The following CREBBP variants were observed in gnomAD, a reference collection of about 807,000 sequenced individuals.
CREBBP encodes the protein CREB binding lysine acetyltransferase.
In CREBBP, 19 loss-of-function variants were observed where a neutral mutation model predicts 265.0. The observed-to-expected ratio is 0.07, with a 90% CI of 0.05 to 0.11. The LOEUF (loss-of-function observed/expected upper bound fraction) is 0.11. Ranked by LOEUF, CREBBP falls within the 10% of genes least tolerant of loss-of-function variation. The pLI, the probability that CREBBP is intolerant of heterozygous loss-of-function variation, is 1.00. For synonymous variants in CREBBP, 1,457 were observed against 1,223.7 expected (o/e 1.19, Z -3.98); for missense variants, 2,525 against 3,219.0 (o/e 0.78, Z 5.22).
chr16:3,751,659 G>T (rs1383479645), intron 20 of CREBBP, 67 bp downstream of exon 20: 1 of 1,480,582 alleles, frequency 6.8e-7, no homozygotes, highest in Non-Finnish European at 9.4e-7. Context: ...ATAGTCATTG[G>T]TAAGAGGAAA....
chr16:3,778,751 T>G lies in CREBBP; in HGVS notation c.1890A>C (p.Val630=). The G allele has an allele frequency of 6.2e-7, 1 of 1,614,130 alleles. No individual in the cohort carries two copies. The highest frequency in any genetic ancestry group is 8.5e-7 in the Non-Finnish European group (1 of 1,179,980). The change falls in exon 9 of 31, where the codon GTA becomes GTC. Residue 630 remains valine (V), a synonymous_variant. Coordinates refer to ENST00000262367, the MANE Select transcript of CREBBP (RefSeq NM_004380.3). Reference sequence around the variant, plus strand: ...CCCCTTCCACTTTCTTAGCATAGGCTACCAGGTTTTCCATGCGGCGATCCT... The same window carrying G: ...CCCCTTCCACTTTCTTAGCATAGGCGACCAGGTTTTCCATGCGGCGATCCT... The part of the protein sequence containing the change: ...ALKDRRMENL[V]AYAKKVEGDM...
intron 26 of CREBBP, among the ~76,000 whole-genome samples, chr16:3,737,505 G>T (rs1191410319): frequency 6.6e-6 from 1 of 151,618 alleles, no homozygotes; most frequent in Non-Finnish European, 1.5e-5. Context: ...TGTTGCCCAG[G>T]GTGGAGTGCA....
intron 2 of CREBBP, among the ~76,000 whole-genome samples, chr16:3,849,422 T>TGTGTGTGTGTG (rs2054745756): frequency 2.8e-4 from 2 of 7,096 alleles, no homozygotes; most frequent in Admixed American, 2.6e-3. Context: ...TGTGTGTGTG[T>TGTGTGTGTGTG]GTGTGTGTGT....
At position 3,852,035 on chromosome 16, in the gene CREBBP, CAAAAAAAAAAAAAAAAAAAAAAAAAAAA is replaced by C. The variant is rs551018184; in HGVS notation, c.86-1054_86-1027del. On this transcript the variant is annotated intron_variant, in intron 1 of 30. Coordinates refer to ENST00000262367, the MANE Select transcript of CREBBP (RefSeq NM_004380.3). Reference sequence around the variant, plus strand: ...CCTGGGCAACAGCGAGACTCCATCTCAAAAAAAAAAAAAAAAAAAAAAAAAAAAAAAAAAAAAAAAGAATGTATGTGTG... The same window carrying C: ...CCTGGGCAACAGCGAGACTCCATCTCAAAAAAAAAAAAGAATGTATGTGTG... Among the ~76,000 whole-genome samples the C allele has an allele frequency of 1.5e-3, 17 of 11,200 alleles. 1 individual carries two copies. In the South Asian group the frequency reaches 0.058, roughly 38 times the overall value. The allele number at this position is 11,200 out of a possible 152,430, so 7.3% of individuals were successfully genotyped here. A position where few individuals can be genotyped will look rare whatever the true frequency, so the allele number is the denominator to read the frequency against.
chr16:3,872,523 C>T (rs920675428), intron 1 of CREBBP, among the ~76,000 whole-genome samples: 4 of 152,108 alleles, frequency 2.6e-5, no homozygotes, highest in Non-Finnish European at 4.4e-5. Flanking sequence ...AGAATTTTGC[C>T]GAAAGCCAAG....
At chr16:3,847,324 TAAAAC>T (rs1291508491) in intron 2 of CREBBP, among the ~76,000 whole-genome samples, 9 of 152,212 alleles carry the variant, frequency 5.9e-5, no homozygotes, top group Non-Finnish European at 1.2e-4. Flanking sequence ...TAATCGTTCT[TAAAAC>T]AAAATTATCT....
intron 25 of CREBBP, 180 bp downstream of exon 25, chr16:3,739,398 C>G (rs954319354): frequency 2.8e-6 from 2 of 712,080 alleles, no homozygotes; most frequent in African/African-American, 3.6e-5. Flanking sequence ...GTCATCTCAA[C>G]AGTTCATTTC....
chr16:3,866,770 C>A (rs1209966600), intron 1 of CREBBP, among the ~76,000 whole-genome samples: 2 of 152,008 alleles, frequency 1.3e-5, no homozygotes, highest in South Asian at 2.1e-4. Flanking sequence ...CTACATACAC[C>A]ATTAGCATAT....
intron 28 of CREBBP, among the ~76,000 whole-genome samples, chr16:3,733,958 C>G (rs568023573): frequency 6.6e-6 from 1 of 152,266 alleles, no homozygotes; most frequent in African/African-American, 2.4e-5. Flanking sequence ...TCTATTTTTA[C>G]AAAATTATAA....
At chr16:3,804,307 GA>G (rs1181851121) in intron 3 of CREBBP, among the ~76,000 whole-genome samples, 15 of 151,938 alleles carry the variant, frequency 9.9e-5, no homozygotes, top group African/African-American at 3.6e-4. Context: ...TATTCTTCAA[GA>G]ATACTTACGA....
chr16:3,875,472 A>G (rs1260613989), intron 1 of CREBBP, among the ~76,000 whole-genome samples: 1 of 152,206 alleles, frequency 6.6e-6, no homozygotes, highest in African/African-American at 2.4e-5. Context: ...CACGCTGAGG[A>G]TAACACCAGA....
intron 2 of CREBBP, among the ~76,000 whole-genome samples, chr16:3,839,373 A>G (rs2054519754): frequency 6.6e-6 from 1 of 152,182 alleles, no homozygotes; most frequent in Non-Finnish European, 1.5e-5. Context: ...TCATTAAATT[A>G]AAAAGTTTAA....
chr16:3,753,270 C>T (rs910672777), intron 19 of CREBBP, among the ~76,000 whole-genome samples: 1 of 152,226 alleles, frequency 6.6e-6, no homozygotes, highest in South Asian at 2.1e-4. Flanking sequence ...AGGTCCCCCA[C>T]AAGTCCCAAA....
At chr16:3,808,546 G>A (rs1468515139) in intron 3 of CREBBP, among the ~76,000 whole-genome samples, 1 of 152,246 alleles carries the variant, frequency 6.6e-6, no homozygotes, top group African/African-American at 2.4e-5. Context: ...CAGCCTCTTT[G>A]CAGTCCCGGG....
chr16:3,791,900 C>T, intron 5 of CREBBP, 81 bp downstream of exon 5: 1 of 1,241,144 alleles, frequency 8.1e-7, no homozygotes, highest in South Asian at 1.2e-5. Flanking sequence ...CCCCTGCCCA[C>T]TCCCTACCTA....
chr16:3,859,688 A>G (rs1050103383), intron 1 of CREBBP, among the ~76,000 whole-genome samples: 9 of 152,178 alleles, frequency 5.9e-5, no homozygotes, highest in African/African-American at 2.2e-4. Flanking sequence ...GGTTTAATCA[A>G]TCATGCCTAT....
In CREBBP at chr16:3,849,434, T is replaced by TGTG. The variant is rs1567360294; in HGVS notation, c.798+860_798+862dup. On this transcript the variant is annotated intron_variant, in intron 2 of 30. Coordinates refer to ENST00000262367, the MANE Select transcript of CREBBP (RefSeq NM_004380.3). ...GTGTGTGTGTGTGTGTGTGTGTGTG[T>TGTG]GTGTGTGTGTGTGTGTGTGTGTGTG... 2.6e-3 allele frequency among the ~76,000 whole-genome samples: 26 copies of TGTG among 10,084 alleles called. 1 individual carries two copies. Among genetic ancestry groups the TGTG allele is most frequent in the Non-Finnish European group, 0.011 (14 of 1,242 alleles). The allele number at this position is 10,084 out of a possible 152,430, so 6.6% of individuals were successfully genotyped here. A position where few individuals can be genotyped will look rare whatever the true frequency, so the allele number is the denominator to read the frequency against.
At position 3,769,488 on chromosome 16, in the gene CREBBP, C is replaced by T. The variant is rs750955891; in HGVS notation, c.2881-135G>A. Reference sequence around the variant, plus strand: ...TCCAGCAGGTGCCCTTCTGTGAAACCGAAGAACAGGGGTTAAAGTAGGAAT... The same window carrying T: ...TCCAGCAGGTGCCCTTCTGTGAAACTGAAGAACAGGGGTTAAAGTAGGAAT... On this transcript the variant is annotated intron_variant, in intron 14 of 30. Coordinates refer to ENST00000262367, the MANE Select transcript of CREBBP (RefSeq NM_004380.3). 1.1e-4 allele frequency: 123 copies of T among 1,083,136 alleles called. 1 individual carries two copies. Among genetic ancestry groups the T allele is most frequent in the Non-Finnish European group, 1.5e-4 (111 of 727,418 alleles). 67.1% of individuals were successfully genotyped at this position (1,083,136 alleles called of 1,614,324 possible).
rs1386399570 is a variant in CREBBP, at chr16:3,731,851, C to T, written c.4815G>A (p.Lys1605=). The T allele has an allele frequency of 1.9e-6, 3 of 1,614,260 alleles. No homozygotes were observed. In the South Asian group the frequency reaches 3.3e-5, roughly 18 times the overall value. Residue 1605 remains lysine (K), a synonymous_variant, in exon 29 of 31, where the codon AAG becomes AAA. Coordinates refer to ENST00000262367, the MANE Select transcript of CREBBP (RefSeq NM_004380.3). This position sits in a 1 kb window ranked among gnomAD's most constrained non-coding sequence, Gnocchi z 7.7. The stretch of plus-strand genomic sequence containing the variant: ...ACACGTTGGGCATGCTGGGCTTCTT[C>T]TTGTTGGCGCGGCTGATGCTGCTTT... ...KNKSSISRAN[K]KKPSMPNVSN... is the part of the protein sequence containing the mutation.
Sources: gnomAD v4.1 joint callset for allele counts (sites outside exome capture counted in the v4.1 genomes callset) on GRCh38, gnomAD v4.1.1 for gene constraint, Gnocchi (gnomAD v3.1) non-coding constraint, MANE v1.5 for transcripts, NCBI Gene and HGNC (gene_info 2026-07-23, HGNC 2026-07-21) for gene names.